The following ATP6V0A2 variants were observed in gnomAD, a reference collection of about 807,000 sequenced individuals.
The protein encoded by ATP6V0A2 is ATPase H+ transporting V0 subunit a2.
In ATP6V0A2, 58 loss-of-function variants were observed where a neutral mutation model predicts 104.4. That is an observed-to-expected ratio of 0.56 (90% CI 0.45 to 0.69). ATP6V0A2 has a LOEUF of 0.69. ATP6V0A2 is among the 30% of genes least tolerant of loss of function. The pLI, the probability that ATP6V0A2 is intolerant of heterozygous loss-of-function variation, is 0.00. For synonymous variants in ATP6V0A2, 376 were observed against 397.9 expected, an observed-to-expected ratio of 0.95 and a Z score of 0.65; for missense variants, 938 against 1,062.9, an observed-to-expected ratio of 0.88 and a Z score of 1.63.
intron 17 of ATP6V0A2, among the ~76,000 whole-genome samples, chr12:123,753,314 A>G (rs374874236): frequency 6.6e-6 from 1 of 152,236 alleles, no homozygotes; most frequent in African/African-American, 2.4e-5. Context: ...AGTGACTGCT[A>G]TCTTAGTCCG....
chr12:123,726,852 C>T (rs1205471705), intron 5 of ATP6V0A2, among the ~76,000 whole-genome samples: 2 of 152,216 alleles, frequency 1.3e-5, no homozygotes. Flanking sequence ...TGGGAGTGCT[C>T]TGTCAACCTG....
intron 6 of ATP6V0A2, chr12:123,732,074 G>GT (rs150082063): frequency 0.03 from 4,643 of 152,342 alleles, 236 homozygotes; most frequent in African/African-American, 0.1. Flanking sequence ...CTGGAAGACC[G>GT]TTTCTGCTTT....
At chr12:123,724,405 G>A (rs1464712057) in intron 3 of ATP6V0A2, 3 of 399,914 alleles carry the variant, frequency 7.5e-6, no homozygotes, top group South Asian at 6.2e-5. Flanking sequence ...ATGCGCACCT[G>A]TAGTCCCAGC....
At chr12:123,740,031 G>A (rs1956593190) in intron 9 of ATP6V0A2, among the ~76,000 whole-genome samples, 1 of 152,052 alleles carries the variant, frequency 6.6e-6, no homozygotes, top group Non-Finnish European at 1.5e-5. Flanking sequence ...CGGATGTGGT[G>A]ATGCACCTGT....
rs946611542 is a variant in ATP6V0A2, at chr12:123,735,617, T to G, written c.818T>G (p.Leu273Arg). The G allele has an allele frequency of 6.2e-7, 1 of 1,613,374 alleles. No homozygotes were observed. Among genetic ancestry groups the G allele is most frequent in the Non-Finnish European group, 8.5e-7 (1 of 1,179,426 alleles). The change falls in exon 8 of 20, where the codon CTC becomes CGC. Residue 273 changes from leucine (L) to arginine (R), a missense_variant. Transcript: ENST00000330342. ...QEGLNTRIQD[L>R]YTVLHKTEDY... ...GGGCTGAACACCCGCATCCAGGATCTCTACACTGTGAGTAAGCTGGAAGTG... is the reference window on the plus strand; with the variant it reads ...GGGCTGAACACCCGCATCCAGGATCGCTACACTGTGAGTAAGCTGGAAGTG...
At chr12:123,733,880 G>A in intron 6 of ATP6V0A2, 46 bp from the exon 7 acceptor site, 1 of 1,440,350 alleles carries the variant, frequency 6.9e-7, no homozygotes, top group African/African-American at 1.4e-5. Context: ...AGTTCTAGAA[G>A]TTTATACACG....
intron 6 of ATP6V0A2, among the ~76,000 whole-genome samples, chr12:123,729,761 C>A (rs914748071): frequency 5.9e-5 from 9 of 152,072 alleles, no homozygotes; most frequent in African/African-American, 2.2e-4. Context: ...GATTAATATA[C>A]ATCTCATAGT....
chr12:123,737,512 G>A, intron 9 of ATP6V0A2: 1 of 484,024 alleles, frequency 2.1e-6, no homozygotes, highest in South Asian at 2.0e-5. Context: ...GCCTCCCAAA[G>A]TGCTGGGATT....
At chr12:123,739,539 C>G (rs528789131) in intron 9 of ATP6V0A2, among the ~76,000 whole-genome samples, 30 of 152,288 alleles carry the variant, frequency 2.0e-4, no homozygotes, top group African/African-American at 6.0e-4. Context: ...TGCAGAACTC[C>G]TAACAGGCTG....
At chr12:123,718,423 C>T (rs964674826) in intron 1 of ATP6V0A2, among the ~76,000 whole-genome samples, 200 bp from the exon 2 acceptor site, 64 of 152,154 alleles carry the variant, frequency 4.2e-4, no homozygotes, top group African/African-American at 1.5e-3. Context: ...TGGGGTTTCA[C>T]CGTGTTGGCC....
At chr12:123,724,179 T>C (rs1369952497) in intron 3 of ATP6V0A2, 1 of 151,364 alleles carries the variant, frequency 6.6e-6, no homozygotes, top group Admixed American at 6.6e-5. Flanking sequence ...AACCTCCATC[T>C]CCTGGGTTCA....
At chr12:123,739,810 T>C (rs74691387) in intron 9 of ATP6V0A2, among the ~76,000 whole-genome samples, 3,094 of 152,340 alleles carry the variant, frequency 0.02, 47 homozygotes, top group African/African-American at 0.034. Flanking sequence ...ATCTTACACA[T>C]GTTCCTCCAT....
In ATP6V0A2 at chr12:123,712,519, G is replaced by T; in HGVS notation, c.-47G>T. 1 of 1,450,304 alleles carries T rather than the reference G, an allele frequency of 6.9e-7. No homozygotes were observed. Among genetic ancestry groups the T allele is most frequent in the Admixed American group, 2.0e-5 (1 of 49,106 alleles). The allele number at this position is 1,450,304 out of a possible 1,614,324, so 89.8% of individuals were successfully genotyped here. A position where few individuals can be genotyped will look rare whatever the true frequency, so the allele number is the denominator to read the frequency against. On this transcript the variant is annotated 5_prime_UTR_variant, in exon 1 of 20. Transcript: ENST00000330342. ...TGAGTGTGCGGGCCCGCGCGGCTCGGAGCCGCCGCCGCCCATCGAGCCCCT... is the reference window on the plus strand; with the variant it reads ...TGAGTGTGCGGGCCCGCGCGGCTCGTAGCCGCCGCCGCCCATCGAGCCCCT...
At position 123,726,294 on chromosome 12, in the gene ATP6V0A2, C is replaced by A. The variant is rs777883568; in HGVS notation, c.521+9C>A. 1.9e-6 allele frequency: 3 copies of A among 1,608,218 alleles called. No homozygotes were observed. The highest frequency in any genetic ancestry group is 2.6e-6 in the Non-Finnish European group (3 of 1,174,674). ...CTGGGAGCAAAACTGGGGTAGGTGA[C>A]AAGGCCTGGGGTGTCAGGCTTCATA... On this transcript the variant is annotated intron_variant, in intron 5 of 19. Coordinates refer to ENST00000330342, the MANE Select transcript of ATP6V0A2 (RefSeq NM_012463.4).
At chr12:123,731,674 C>G (rs908690052) in intron 6 of ATP6V0A2, 4 of 152,140 alleles carry the variant, frequency 2.6e-5, no homozygotes, top group Non-Finnish European at 5.9e-5. Flanking sequence ...ATTACCATTC[C>G]CAGCCTCTTT....
intron 3 of ATP6V0A2, chr12:123,724,420 C>T (rs1274413784): frequency 1.2e-5 from 5 of 413,896 alleles, no homozygotes; most frequent in Admixed American, 3.6e-5. Flanking sequence ...CCCAGCTACT[C>T]GGGGAGGCTG....
chr12:123,736,291 A>C (rs1192732461), intron 8 of ATP6V0A2, among the ~76,000 whole-genome samples: 1 of 149,416 alleles, frequency 6.7e-6, no homozygotes, highest in East Asian at 2.0e-4. Flanking sequence ...TCCCAGGTTC[A>C]AGCAATTCTC....
Position 123,761,737 on chromosome 12 carries a change from ATATATC to A in ATP6V0A2, c.*3711_*3716del, listed in dbSNP as rs1238887548. The A allele has an allele frequency of 6.6e-5, 10 of 152,206 alleles. No homozygotes were observed. Among genetic ancestry groups the A allele is most frequent in the East Asian group, 1.9e-4 (1 of 5,192 alleles). The allele number at this position is 152,206 out of a possible 1,614,324, so 9.4% of individuals were successfully genotyped here. On this transcript the variant is annotated 3_prime_UTR_variant, in exon 20 of 20. Transcript: ENST00000330342. Reference sequence around the variant, plus strand: ...ACTTCCTTTTGCTAATGACAAATAAATATATCTATATTTTTAAACGTGGGTGTTTTG... The same window carrying A: ...ACTTCCTTTTGCTAATGACAAATAAATATATTTTTAAACGTGGGTGTTTTG...
rs755426996 is a variant in ATP6V0A2 at position 123,735,552 on chromosome 12, C to T, written c.753C>T (p.Pro251=). 6.2e-7 allele frequency: 1 copy of T among 1,614,040 alleles called. No individual in the cohort carries two copies. Residue 251 remains proline (P), a synonymous_variant, in exon 8 of 20, where the codon CCC becomes CCT. Coordinates refer to ENST00000330342, the MANE Select transcript of ATP6V0A2 (RefSeq NM_012463.4). The part of the protein sequence containing the change: ...ICDCYHCHVY[P]YPNTAEERRE... ...CCAGCTACCACTGCCACGTGTACCC[C>T]TATCCAAACACAGCCGAGGAGCGGA...
Sources: allele counts gnomAD v4.1 joint callset (sites outside exome capture counted in the v4.1 genomes callset), GRCh38; gene constraint gnomAD v4.1.1; transcripts MANE v1.5; gene names NCBI Gene and HGNC (gene_info 2026-07-23, HGNC 2026-07-21).